STARD13: variants seen among roughly 807,000 people sequenced by gnomAD.
The protein encoded by STARD13 is StAR related lipid transfer domain containing 13.
A neutral mutation model predicts 106.4 loss-of-function variants in STARD13; 62 were observed. That is an observed-to-expected ratio of 0.58 (90% CI 0.48 to 0.72). The LOEUF (loss-of-function observed/expected upper bound fraction) is 0.72, where lower values mean the gene tolerates loss of function less well. Ranked by LOEUF, STARD13 falls within the 30% of genes least tolerant of loss-of-function variation. The pLI, the probability that STARD13 is intolerant of heterozygous loss-of-function variation, is 0.00. For synonymous variants in STARD13, 565 were observed against 553.0 expected (o/e 1.02, Z -0.31); for missense variants, 1,387 against 1,424.0 (o/e 0.97, Z 0.42).
At chr13:33,657,889 G>C in the STARD13 span, among the ~76,000 whole-genome samples, 2 of 152,190 alleles carry the variant, frequency 1.3e-5, no homozygotes, top group East Asian at 1.9e-4. Flanking sequence ...ATGGTGTATA[G>C]TGTATTTTTT....
At chr13:33,108,888 C>T (rs908634056) in intron 12 of STARD13, among the ~76,000 whole-genome samples, 1 of 152,176 alleles carries the variant, frequency 6.6e-6, no homozygotes, top group African/African-American at 2.4e-5. Context: ...TGGTAATATG[C>T]CACCCTTATA....
the STARD13 span, among the ~76,000 whole-genome samples, chr13:33,609,850 G>A: frequency 6.6e-6 from 1 of 152,140 alleles, no homozygotes; most frequent in Non-Finnish European, 1.5e-5. Flanking sequence ...TTACAGGCGT[G>A]AGCCACTGCG....
chr13:33,663,114 T>C, the STARD13 span, among the ~76,000 whole-genome samples: 1 of 152,174 alleles, frequency 6.6e-6, no homozygotes, highest in Non-Finnish European at 1.5e-5. Context: ...GGTCTCATTC[T>C]GTCACCCAGA....
chr13:33,494,448 G>A, the STARD13 span, among the ~76,000 whole-genome samples: 2 of 152,028 alleles, frequency 1.3e-5, no homozygotes, highest in African/African-American at 2.4e-5. Flanking sequence ...TTGTTGATTC[G>A]AATGAATAAA....
At chr13:33,160,706 G>A (rs564718278) in intron 3 of STARD13, among the ~76,000 whole-genome samples, 1 of 152,264 alleles carries the variant, frequency 6.6e-6, no homozygotes, top group Non-Finnish European at 1.5e-5. Context: ...TTAAGAAAGT[G>A]CAAATGAGTT....
chr13:33,126,720 T>A (rs1189700023), intron 6 of STARD13, among the ~76,000 whole-genome samples: 1 of 152,246 alleles, frequency 6.6e-6, no homozygotes, highest in Non-Finnish European at 1.5e-5. Context: ...GAAGCATATA[T>A]TGATTTGACC....
chr13:33,171,796 G>A (rs146663277), intron 1 of STARD13, among the ~76,000 whole-genome samples: 10 of 152,338 alleles, frequency 6.6e-5, no homozygotes, highest in East Asian at 3.9e-4. Flanking sequence ...GGTGCTACCC[G>A]TGCTATTCAG....
chr13:33,176,635 A>C (rs988898949), intron 1 of STARD13, among the ~76,000 whole-genome samples: 2 of 152,188 alleles, frequency 1.3e-5, no homozygotes. Flanking sequence ...CAGGTATTTG[A>C]AATAGCTTTA....
intron 3 of STARD13, among the ~76,000 whole-genome samples, chr13:33,146,522 T>C (rs974280268): frequency 6.6e-6 from 1 of 152,182 alleles, no homozygotes; most frequent in Middle Eastern, 3.2e-3. Flanking sequence ...GTGGTGATAG[T>C]TACATAGCTG....
At chr13:33,267,862 C>G (rs1890972967) in intron 1 of STARD13, among the ~76,000 whole-genome samples, 1 of 152,172 alleles carries the variant, frequency 6.6e-6, no homozygotes, top group Non-Finnish European at 1.5e-5. Flanking sequence ...GTGGAAGAGG[C>G]TGCAAACTAG....
chr13:33,433,509 T>A, the STARD13 span, among the ~76,000 whole-genome samples: 1 of 152,050 alleles, frequency 6.6e-6, no homozygotes, highest in African/African-American at 2.4e-5. Context: ...CAACAGTGGG[T>A]CAGGGTCACA....
chr13:33,631,579 C>T, the STARD13 span, among the ~76,000 whole-genome samples: 2 of 152,128 alleles, frequency 1.3e-5, no homozygotes, highest in Non-Finnish European at 2.9e-5. Flanking sequence ...CAGTTATGAG[C>T]TTTGGGCTCA....
chr13:33,400,865 A>G, the STARD13 span, among the ~76,000 whole-genome samples: 1 of 152,164 alleles, frequency 6.6e-6, no homozygotes, highest in Non-Finnish European at 1.5e-5. Flanking sequence ...TGTAAATAAT[A>G]CTTCAATAAA....
At chr13:33,311,968 A>C (rs555549916) in intron 1 of STARD13, among the ~76,000 whole-genome samples, 1 of 152,292 alleles carries the variant, frequency 6.6e-6, no homozygotes, top group South Asian at 2.1e-4. Context: ...AAAAACACTT[A>C]ATGCTGTTTC....
the STARD13 span, among the ~76,000 whole-genome samples, chr13:33,498,957 G>A: frequency 2.1e-4 from 32 of 152,266 alleles, no homozygotes; most frequent in Non-Finnish European, 4.3e-4. Flanking sequence ...GGCCAATATG[G>A]TGAAACCCCG....
At chr13:33,658,134 T>C in the STARD13 span, 5 of 152,588 alleles carry the variant, frequency 3.3e-5, no homozygotes, top group Non-Finnish European at 7.3e-5. Flanking sequence ...TGACTCTAGG[T>C]ACCTCGTTTA....
chr13:33,518,555 G>A, the STARD13 span, among the ~76,000 whole-genome samples: 1 of 152,028 alleles, frequency 6.6e-6, no homozygotes, highest in East Asian at 1.9e-4. Flanking sequence ...TATGGGAGGG[G>A]AGGTGGGGCA....
intron 1 of STARD13, among the ~76,000 whole-genome samples, chr13:33,274,900 C>T (rs763460010): frequency 6.6e-6 from 1 of 152,266 alleles, no homozygotes; most frequent in Admixed American, 6.5e-5. Flanking sequence ...CCACCAAGAA[C>T]CTCCCGGCCC....
At chr13:33,124,880 C>T (rs1466798774) in intron 7 of STARD13, among the ~76,000 whole-genome samples, 1 of 152,108 alleles carries the variant, frequency 6.6e-6, no homozygotes, top group Non-Finnish European at 1.5e-5. Context: ...GCTATTAAGG[C>T]CATTTCTCAA....
Sources: gnomAD v4.1 joint callset for allele counts (sites outside exome capture counted in the v4.1 genomes callset) on GRCh38, gnomAD v4.1.1 for gene constraint, MANE v1.5 for transcripts, NCBI Gene and HGNC (gene_info 2026-07-23, HGNC 2026-07-21) for gene names.